Variants in CNTN3 observed in about 807,000 individuals in gnomAD.
The protein encoded by CNTN3 is contactin-3.
Under a neutral mutation model 119.1 loss-of-function variants are expected in CNTN3, and 60 were observed. The observed-to-expected ratio is 0.50, with a 90% confidence interval of 0.41 to 0.62. CNTN3 has a LOEUF of 0.62. CNTN3 is among the 20% of genes least tolerant of loss of function. CNTN3 has a pLI of 0.00. For missense variants in CNTN3, 1,101 were observed against 1,242.4 expected, an observed-to-expected ratio of 0.89 and a Z score of 1.71; for synonymous variants, 450 against 438.7, an observed-to-expected ratio of 1.03 and a Z score of -0.32.
chr3:74,457,305 A>C (rs1193225297), intron 4 of CNTN3, among the ~76,000 whole-genome samples: 1 of 152,094 alleles, frequency 6.6e-6, no homozygotes, highest in African/African-American at 2.4e-5. Context: ...TTGCCATCAA[A>C]AAATGATAAA....
At chr3:74,431,008 C>G (rs1701774886) in intron 4 of CNTN3, among the ~76,000 whole-genome samples, 1 of 152,148 alleles carries the variant, frequency 6.6e-6, no homozygotes, top group Admixed American at 6.6e-5. Flanking sequence ...AAGTCAACAT[C>G]AAAGAAAGGT....
chr3:74,586,624 A>G (rs1704597349), intron 1 of CNTN3, among the ~76,000 whole-genome samples: 1 of 152,004 alleles, frequency 6.6e-6, no homozygotes, highest in South Asian at 2.1e-4. Flanking sequence ...TTTCCCATCT[A>G]ATCAAAGGGG....
At chr3:74,282,929 T>C (rs1314204195) in intron 20 of CNTN3, among the ~76,000 whole-genome samples, 3 of 152,150 alleles carry the variant, frequency 2.0e-5, no homozygotes, top group African/African-American at 7.2e-5. Context: ...TTGTCCTTAA[T>C]AACATCTACA....
intron 20 of CNTN3, 151 bp downstream of exon 20, chr3:74,285,154 G>C (rs1702085219): frequency 1.3e-6 from 1 of 746,130 alleles, no homozygotes; most frequent in Admixed American, 2.8e-5. Flanking sequence ...AAGGGTTTTG[G>C]AGTTGGGTTT....
Position 74,369,892 on chromosome 3 carries a change from C to G in CNTN3, c.758G>C (p.Gly253Ala). The change falls in exon 7 of 23, where the codon GGA becomes GCA. Residue 253 changes from glycine to alanine, a missense_variant. Transcript: ENST00000263665. ...STVKLECFALGNPIPQINWRR... is the reference protein window; with the variant it reads ...STVKLECFALANPIPQINWRR... ...GAGTAAATGTTATAAAACTTACTTT[C>G]CAAGGGCAAAACATTCCAATTTCAC... 1.3e-6 allele frequency: 2 copies of G among 1,581,202 alleles called. No homozygotes were observed. The highest frequency in any genetic ancestry group is 1.7e-6 in the Non-Finnish European group (2 of 1,153,034).
Position 74,308,914 on chromosome 3 carries a change from T to C in CNTN3, c.1669-6107A>G, listed in dbSNP as rs1702620907. Among the ~76,000 whole-genome samples the C allele has an allele frequency of 2.0e-5, 3 of 152,106 alleles. No individual in the cohort carries two copies. In the South Asian group the frequency reaches 6.2e-4, roughly 32 times the overall value. On this transcript the variant is annotated intron_variant, in intron 13 of 22. Transcript: ENST00000263665. ...CCAAAATAATAGTTACCTAGCAAAA[T>C]TAATATAATGAGTAGAAAATTATAT...
chr3:74,530,989 T>G (rs1183160865), intron 1 of CNTN3, among the ~76,000 whole-genome samples: 1 of 151,920 alleles, frequency 6.6e-6, no homozygotes, highest in African/African-American at 2.4e-5. Flanking sequence ...ATCCATCAAG[T>G]TGAACTTGCT....
chr3:74,505,721 T>C (rs1337484315), intron 2 of CNTN3, among the ~76,000 whole-genome samples: 1 of 152,100 alleles, frequency 6.6e-6, no homozygotes, highest in Non-Finnish European at 1.5e-5. Flanking sequence ...TATAATACAC[T>C]TCAGATCAGA....
intron 11 of CNTN3, among the ~76,000 whole-genome samples, chr3:74,358,857 G>A (rs1431543361): frequency 4.1e-5 from 6 of 146,748 alleles, no homozygotes; most frequent in Non-Finnish European, 4.5e-5. Flanking sequence ...GAGAATATGC[G>A]GTGTTTGGTT....
At chr3:74,491,057 A>G (rs1039924520) in intron 3 of CNTN3, among the ~76,000 whole-genome samples, 1 of 152,192 alleles carries the variant, frequency 6.6e-6, no homozygotes, top group African/African-American at 2.4e-5. Flanking sequence ...TTAAACTCTG[A>G]AATGTGCAAG....
At chr3:74,608,419 C>T (rs527402671) in intron 1 of CNTN3, among the ~76,000 whole-genome samples, 2 of 152,262 alleles carry the variant, frequency 1.3e-5, no homozygotes, top group East Asian at 1.9e-4. Flanking sequence ...CTTTCATACG[C>T]TAATGTTTCA....
Position 74,361,897 on chromosome 3 carries a change from G to A in CNTN3, c.1357C>T (p.His453Tyr). ...WKKGDVSVQEHERISLLNDGG... is the reference protein window; with the variant it reads ...WKKGDVSVQEYERISLLNDGG... ...TTCTGGACATCAAAATACCTTTCATGCTCCTGCACGCTCACATCCCCCTTC... is the reference window on the plus strand; with the variant it reads ...TTCTGGACATCAAAATACCTTTCATACTCCTGCACGCTCACATCCCCCTTC... Residue 453 changes from histidine (H) to tyrosine (Y), a missense_variant, in exon 11 of 23, where the codon CAT (histidine) becomes TAT (tyrosine). Coordinates refer to ENST00000263665, the MANE Select transcript of CNTN3 (RefSeq NM_020872.3). 1.9e-6 allele frequency: 3 copies of A among 1,606,326 alleles called. No homozygotes were observed. Among genetic ancestry groups the A allele is most frequent in the Non-Finnish European group, 2.6e-6 (3 of 1,176,416 alleles).
At chr3:74,483,311 T>C (rs555138883) in intron 4 of CNTN3, among the ~76,000 whole-genome samples, 1 of 152,182 alleles carries the variant, frequency 6.6e-6, no homozygotes, top group South Asian at 2.1e-4. Context: ...TGTACTTCAC[T>C]CACCTTATGT....
chr3:74,399,517 C>T (rs955985232), intron 5 of CNTN3, among the ~76,000 whole-genome samples: 1 of 152,066 alleles, frequency 6.6e-6, no homozygotes, highest in African/African-American at 2.4e-5. Context: ...TGTATATGTA[C>T]CACATTTTCT....
At chr3:74,553,362 T>G (rs1704021848) in intron 1 of CNTN3, among the ~76,000 whole-genome samples, 1 of 152,238 alleles carries the variant, frequency 6.6e-6, no homozygotes, top group African/African-American at 2.4e-5. Context: ...TGGGTCCAAG[T>G]CTTTGCTATT....
chr3:74,284,249 T>A (rs1575696679), intron 20 of CNTN3, among the ~76,000 whole-genome samples: 1 of 152,276 alleles, frequency 6.6e-6, no homozygotes, highest in East Asian at 1.9e-4. Context: ...GGAAATGATA[T>A]GGAAACAGAA....
intron 11 of CNTN3, among the ~76,000 whole-genome samples, chr3:74,347,223 C>T (rs1703713078): frequency 6.6e-6 from 1 of 152,164 alleles, no homozygotes; most frequent in African/African-American, 2.4e-5. Context: ...AATACACAGT[C>T]TCTTTTTCTC....
At chr3:74,602,295 CAAAAAAAAAAAA>C (rs1167052275) in intron 1 of CNTN3, among the ~76,000 whole-genome samples, 1 of 19,688 alleles carries the variant, frequency 5.1e-5, no homozygotes, top group Non-Finnish European at 1.5e-4. Flanking sequence ...GACCTGGTCT[CAAAAAAAAAAAA>C]AAAAAAAAAA....
intron 5 of CNTN3, among the ~76,000 whole-genome samples, chr3:74,424,113 T>C (rs1369920671): frequency 6.6e-6 from 1 of 152,148 alleles, no homozygotes; most frequent in Admixed American, 6.5e-5. Flanking sequence ...AGAACAGTGA[T>C]TTATTCATTA....
Sources: allele counts gnomAD v4.1 joint callset (sites outside exome capture counted in the v4.1 genomes callset), GRCh38; gene constraint gnomAD v4.1.1; transcripts MANE v1.5; gene names NCBI Gene and HGNC (gene_info 2026-07-23, HGNC 2026-07-21).